The following TRHDE variants were observed in gnomAD, a reference collection of about 807,000 sequenced individuals.
TRHDE encodes the protein thyrotropin releasing hormone degrading enzyme.
Under a neutral mutation model 125.7 loss-of-function variants are expected in TRHDE, and 72 were observed. That is an observed-to-expected ratio of 0.57 (90% CI 0.47 to 0.70). The LOEUF (loss-of-function observed/expected upper bound fraction) is 0.70. Among genes scored for constraint, TRHDE ranks in the 30% least tolerant of loss-of-function variants. The pLI, the probability that TRHDE is intolerant of heterozygous loss-of-function variation, is 0.00. For synonymous variants in TRHDE, 509 were observed against 509.1 expected (o/e 1.00, Z 0.00); for missense variants, 1,110 against 1,327.1 (o/e 0.84, Z 2.54).
upstream of TRHDE, chr12:72,271,828 G>A (rs1368523246): frequency 2.3e-6 from 1 of 438,372 alleles, no homozygotes; most frequent in Admixed American, 2.4e-5. Context: ...TCTACCTGAA[G>A]GGGATGGCCC....
At chr12:72,598,703 T>C (rs1444640895) in intron 12 of TRHDE, among the ~76,000 whole-genome samples, 1 of 152,144 alleles carries the variant, frequency 6.6e-6, no homozygotes, top group Non-Finnish European at 1.5e-5. Context: ...ACTAGCTTCC[T>C]GGTTAGTTTT....
intron 5 of TRHDE, among the ~76,000 whole-genome samples, chr12:72,491,255 T>C (rs900504860): frequency 6.6e-6 from 1 of 151,950 alleles, no homozygotes; most frequent in Non-Finnish European, 1.5e-5. Flanking sequence ...TTATTTGCAG[T>C]GATTTTTTGG....
chr12:72,615,132 CT>C (rs1333791482), intron 12 of TRHDE, among the ~76,000 whole-genome samples: 1 of 151,920 alleles, frequency 6.6e-6, no homozygotes, highest in Non-Finnish European at 1.5e-5. Flanking sequence ...ATTGTTTTTT[CT>C]TTGATTCCCA....
At chr12:72,593,470 A>G (rs192911506) in intron 12 of TRHDE, among the ~76,000 whole-genome samples, 42 of 152,242 alleles carry the variant, frequency 2.8e-4, no homozygotes, top group African/African-American at 1.0e-3. Context: ...TGGGACAATA[A>G]TGAATATTAT....
At chr12:72,295,801 T>TA (rs397694118) in intron 2 of TRHDE, among the ~76,000 whole-genome samples, 5 of 150,540 alleles carry the variant, frequency 3.3e-5, no homozygotes, top group East Asian at 1.9e-4. Flanking sequence ...ATTTTTTTTT[T>TA]AAATCACGTT....
intron 15 of TRHDE, among the ~76,000 whole-genome samples, chr12:72,644,935 C>T (rs1015000316): frequency 2.0e-5 from 3 of 152,190 alleles, no homozygotes; most frequent in African/African-American, 7.2e-5. Context: ...CAGACAAAAC[C>T]ACAGCTACCT....
chr12:72,512,669 TG>T (rs1468539263), intron 6 of TRHDE, among the ~76,000 whole-genome samples: 2 of 144,706 alleles, frequency 1.4e-5, no homozygotes, highest in African/African-American at 5.0e-5. Context: ...ATAATATAAA[TG>T]GTAATATAGA....
chr12:72,128,604 T>C (rs1418847809), intron 2 of TRHDE, among the ~76,000 whole-genome samples: 7 of 152,200 alleles, frequency 4.6e-5, no homozygotes, highest in Non-Finnish European at 7.3e-5. Context: ...AGTTGAACTT[T>C]TAGGGTTTAA....
chr12:72,116,265 G>A (rs1294804568), intron 2 of TRHDE, among the ~76,000 whole-genome samples: 1 of 152,144 alleles, frequency 6.6e-6, no homozygotes, highest in Non-Finnish European at 1.5e-5. Flanking sequence ...TATCATTGAT[G>A]GACATTTGGG....
At chr12:72,452,968 T>C (rs1875653538) in intron 3 of TRHDE, among the ~76,000 whole-genome samples, 1 of 152,182 alleles carries the variant, frequency 6.6e-6, no homozygotes, top group African/African-American at 2.4e-5. Context: ...TCTTGAATAT[T>C]TCTTTATAGC....
intron 2 of TRHDE, among the ~76,000 whole-genome samples, chr12:72,180,017 TA>T (rs1400929768): frequency 2.6e-5 from 4 of 151,778 alleles, no homozygotes; most frequent in Non-Finnish European, 5.9e-5. Context: ...TAATTACTAT[TA>T]ATAATTAGTA....
chr12:72,092,113 A>C (rs1874805849), intron 1 of TRHDE, among the ~76,000 whole-genome samples: 1 of 152,238 alleles, frequency 6.6e-6, no homozygotes, highest in Non-Finnish European at 1.5e-5. Flanking sequence ...TGGCCACAGA[A>C]TATCTGATCT....
chr12:72,348,036 C>G (rs191226539), intron 2 of TRHDE, among the ~76,000 whole-genome samples: 1 of 151,850 alleles, frequency 6.6e-6, no homozygotes. Flanking sequence ...AGTAGATGCT[C>G]AACTTTTAAA....
At chr12:72,414,979 T>C (rs1873670165) in intron 3 of TRHDE, among the ~76,000 whole-genome samples, 1 of 152,154 alleles carries the variant, frequency 6.6e-6, no homozygotes, top group African/African-American at 2.4e-5. Flanking sequence ...GATTTGAGTT[T>C]AGTTATATTT....
chr12:72,455,345 CA>C (rs1182394033), intron 3 of TRHDE, among the ~76,000 whole-genome samples: 4 of 151,974 alleles, frequency 2.6e-5, no homozygotes, highest in African/African-American at 9.7e-5. Flanking sequence ...TTATTTGGTA[CA>C]AAAATCTGCA....
At chr12:72,511,543 A>C (rs1353832088) in intron 6 of TRHDE, among the ~76,000 whole-genome samples, 1 of 152,166 alleles carries the variant, frequency 6.6e-6, no homozygotes, top group Non-Finnish European at 1.5e-5. Context: ...CAGCAATTTT[A>C]AGTCATTCTG....
intron 1 of TRHDE, among the ~76,000 whole-genome samples, chr12:72,285,680 C>T (rs1456763164): frequency 6.6e-6 from 1 of 151,796 alleles, no homozygotes; most frequent in African/African-American, 2.4e-5. Context: ...GCTACCATGC[C>T]CAGCTAATTT....
chr12:72,605,209 A>T (rs1257121284), intron 12 of TRHDE, among the ~76,000 whole-genome samples: 1 of 152,134 alleles, frequency 6.6e-6, no homozygotes, highest in South Asian at 2.1e-4. Context: ...ATCAGTTATT[A>T]TAATATATAG....
chr12:72,409,329 G>A (rs116316502), intron 3 of TRHDE, among the ~76,000 whole-genome samples: 143 of 152,304 alleles, frequency 9.4e-4, no homozygotes, highest in African/African-American at 3.1e-3. Flanking sequence ...TTTTCAGGGA[G>A]ACACTGAGTT....
Sources: allele counts gnomAD v4.1 joint callset (sites outside exome capture counted in the v4.1 genomes callset), GRCh38; gene constraint gnomAD v4.1.1; transcripts MANE v1.5; gene names NCBI Gene and HGNC (gene_info 2026-07-23, HGNC 2026-07-21).